Variants in PRKN observed in about 807,000 individuals in gnomAD.
PRKN encodes the protein parkin RBR E3 ubiquitin protein ligase.
A neutral mutation model predicts 59.5 loss-of-function variants in PRKN; 56 were observed. The observed-to-expected ratio is 0.94, with a 90% confidence interval of 0.76 to 1.18. The LOEUF (loss-of-function observed/expected upper bound fraction) is 1.18, where lower values mean the gene tolerates loss of function less well. Ranked by LOEUF, PRKN falls within the 50% of genes most tolerant of loss-of-function variation. The pLI, the probability that PRKN is intolerant of heterozygous loss-of-function variation, is 0.00. For missense variants in PRKN, 657 were observed against 596.4 expected (o/e 1.10, Z -1.06); for synonymous variants, 250 against 222.1 (o/e 1.13, Z -1.12).
At position 161,845,685 on chromosome 6, in the gene PRKN, A is replaced by G. The variant is rs138180778; in HGVS notation, c.735-59777T>C. Among the ~76,000 whole-genome samples, 2 of 152,316 alleles carry G rather than the reference A, an allele frequency of 1.3e-5. 1 individual carries two copies. The highest frequency in any genetic ancestry group is 3.9e-4 in the East Asian group (2 of 5,184). Reference sequence around the variant, plus strand: ...ACATTAAAGATATATACATCTCAGTAAAGAAGCTTCCTAACACTGTCATTC... The same window carrying G: ...ACATTAAAGATATATACATCTCAGTGAAGAAGCTTCCTAACACTGTCATTC... On this transcript the variant is annotated intron_variant, in intron 6 of 11. Coordinates refer to ENST00000366898, the MANE Select transcript of PRKN (RefSeq NM_004562.3).
At position 161,738,131 on chromosome 6, in the gene PRKN, CTTCT is replaced by C. The variant is rs753341007; in HGVS notation, c.871+47637_871+47640del. Among the ~76,000 whole-genome samples, 5 of 152,146 alleles carry C rather than the reference CTTCT, an allele frequency of 3.3e-5. 1 individual carries two copies. Among genetic ancestry groups the C allele is most frequent in the South Asian group, 2.1e-4 (1 of 4,816 alleles). On this transcript the variant is annotated intron_variant, in intron 7 of 11. Coordinates refer to ENST00000366898, the MANE Select transcript of PRKN (RefSeq NM_004562.3). ...TTCTTAAAAATGCAGATGATTTCCT[CTTCT>C]TTATTTTACTATTTTTCTATAAATA...
chr6:161,377,764 G>A lies in PRKN; in HGVS notation c.1167+9030C>T, dbSNP rs1785785565. Among the ~76,000 whole-genome samples, 1 of 152,146 alleles carries A rather than the reference G, an allele frequency of 6.6e-6. No individual in the cohort carries two copies. The highest frequency in any genetic ancestry group is 2.4e-5 in the African/African-American group (1 of 41,430). On this transcript the variant is annotated intron_variant, in intron 10 of 11. Transcript: ENST00000366898. This position sits in a 1 kb window ranked among gnomAD's most constrained non-coding sequence, Gnocchi z 4.2. ...GCATTAACCAGTCACCTCTCATCCTGTGAGGCCCCAGAGAGCTGTCTTGCC... is the reference window on the plus strand; with the variant it reads ...GCATTAACCAGTCACCTCTCATCCTATGAGGCCCCAGAGAGCTGTCTTGCC...
intron 6 of PRKN, among the ~76,000 whole-genome samples, chr6:161,914,726 G>T (rs1442946599): frequency 6.6e-6 from 1 of 151,906 alleles, no homozygotes; most frequent in Non-Finnish European, 1.5e-5. Flanking sequence ...TTCTGGGTTG[G>T]AGAGGAATCA....
rs557471790 is a variant in PRKN, at chr6:161,508,583, C to T, written c.1083+40271G>A. 2.0e-5 allele frequency among the ~76,000 whole-genome samples: 3 copies of T among 152,228 alleles called. No individual in the cohort carries two copies. The South Asian group carries it at 6.2e-4, about 32-fold the overall frequency. The stretch of plus-strand genomic sequence containing the variant: ...CAGGAAAACATTGGTCAGCTTCCTC[C>T]GTATCATGTCCCTTAATACACTTAA... On this transcript the variant is annotated intron_variant, in intron 9 of 11. Coordinates refer to ENST00000366898, the MANE Select transcript of PRKN (RefSeq NM_004562.3).
intron 2 of PRKN, among the ~76,000 whole-genome samples, chr6:162,339,848 G>C (rs1283254346): frequency 6.7e-6 from 1 of 148,794 alleles, no homozygotes; most frequent in Non-Finnish European, 1.5e-5. Context: ...CCCCAACCCT[G>C]TGCTCTCTGA....
chr6:162,462,817 G>A (rs1440852252), intron 1 of PRKN, among the ~76,000 whole-genome samples: 3 of 152,134 alleles, frequency 2.0e-5, no homozygotes, highest in Admixed American at 6.5e-5. Context: ...TCTTTGGCTA[G>A]GTGCAGTGGC....
chr6:162,036,204 G>A (rs1189010309), intron 5 of PRKN, among the ~76,000 whole-genome samples: 3 of 151,488 alleles, frequency 2.0e-5, no homozygotes, highest in East Asian at 2.0e-4. Flanking sequence ...GGCGCCTGTA[G>A]TCCCAGCTAC....
At chr6:162,719,941 A>G (rs1395511631) in intron 1 of PRKN, among the ~76,000 whole-genome samples, 1 of 152,120 alleles carries the variant, frequency 6.6e-6, no homozygotes. Context: ...CCTCAGAAAC[A>G]CAGATATTAC....
At chr6:162,655,542 T>C (rs1157134841) in intron 1 of PRKN, among the ~76,000 whole-genome samples, 5 of 152,302 alleles carry the variant, frequency 3.3e-5, no homozygotes, top group Admixed American at 2.0e-4. Context: ...ATATATAATT[T>C]GCTCCAAAAG....
chr6:162,472,738 G>T (rs1225821960), intron 1 of PRKN, among the ~76,000 whole-genome samples: 2 of 120,288 alleles, frequency 1.7e-5, no homozygotes, highest in Admixed American at 1.8e-4. Flanking sequence ...TGATCCACCC[G>T]CCTTGGCCTC....
At chr6:161,743,697 C>A (rs1342460561) in intron 7 of PRKN, among the ~76,000 whole-genome samples, 3 of 152,084 alleles carry the variant, frequency 2.0e-5, no homozygotes, top group African/African-American at 7.2e-5. Flanking sequence ...ACACCGTGAG[C>A]CCCGAGGAAG....
In PRKN at chr6:161,703,839, CTTTTTTTTTTTTTTTTTTT is replaced by C. The variant is rs71004062; in HGVS notation, c.871+81914_871+81932del. 6.5e-4 allele frequency among the ~76,000 whole-genome samples: 39 copies of C among 59,858 alleles called. 2 individuals carry two copies. In the South Asian group the frequency reaches 0.014, roughly 22 times the overall value. The allele number at this position is 59,858 out of a possible 152,430, so 39.3% of individuals were successfully genotyped here. On this transcript the variant is annotated intron_variant, in intron 7 of 11. Coordinates refer to ENST00000366898, the MANE Select transcript of PRKN (RefSeq NM_004562.3). ...CACACATCTCTCTCTCTCTCTCTCTCTTTTTTTTTTTTTTTTTTTTTTTTTTTTTTTTTTTTTACAGAGT... is the reference window on the plus strand; with the variant it reads ...CACACATCTCTCTCTCTCTCTCTCTCTTTTTTTTTTTTTTTTTTACAGAGT...
chr6:161,997,293 G>A (rs1343286482), intron 5 of PRKN, among the ~76,000 whole-genome samples: 1 of 152,014 alleles, frequency 6.6e-6, no homozygotes, highest in Admixed American at 6.6e-5. Flanking sequence ...GTTACTGAGA[G>A]GTACAAACTA....
At chr6:162,390,426 C>CACA (rs1554312778) in intron 2 of PRKN, among the ~76,000 whole-genome samples, 3 of 141,362 alleles carry the variant, frequency 2.1e-5, no homozygotes, top group African/African-American at 8.2e-5. Flanking sequence ...CACACACACA[C>CACA]ACCTTATATA....
At chr6:161,424,336 CA>C (rs56268660) in intron 9 of PRKN, among the ~76,000 whole-genome samples, 30,556 of 109,248 alleles carry the variant, frequency 0.28, 3,369 homozygotes, top group Middle Eastern at 0.4. Flanking sequence ...GATTCTGTCT[CA>C]AAAAAAAAAA....
intron 5 of PRKN, among the ~76,000 whole-genome samples, chr6:162,004,217 C>T (rs1432632657): frequency 6.6e-6 from 1 of 152,144 alleles, no homozygotes; most frequent in Non-Finnish European, 1.5e-5. Context: ...TGAGTGAGTT[C>T]TCACAAGCTC....
chr6:161,490,125 C>G (rs537747415), intron 9 of PRKN, among the ~76,000 whole-genome samples: 1 of 152,302 alleles, frequency 6.6e-6, no homozygotes, highest in South Asian at 2.1e-4. Context: ...TTTTCCTCCT[C>G]TAGTCAAGTT....
At chr6:162,268,681 G>A (rs753222071) in intron 2 of PRKN, among the ~76,000 whole-genome samples, 4 of 152,222 alleles carry the variant, frequency 2.6e-5, no homozygotes, top group Non-Finnish European at 5.9e-5. Context: ...TTCACGATGG[G>A]TTCAACAACA....
At chr6:162,072,863 C>T (rs1039595041) in intron 4 of PRKN, among the ~76,000 whole-genome samples, 42 of 152,146 alleles carry the variant, frequency 2.8e-4, no homozygotes, top group African/African-American at 5.8e-4. Flanking sequence ...AGCAAAATAC[C>T]ACACGCATAG....
Sources: allele counts gnomAD v4.1 joint callset (sites outside exome capture counted in the v4.1 genomes callset), GRCh38; gene constraint gnomAD v4.1.1; non-coding constraint Gnocchi (gnomAD v3.1); transcripts MANE v1.5; gene names NCBI Gene and HGNC (gene_info 2026-07-23, HGNC 2026-07-21).